The following SMOC1 variants were observed in gnomAD, a reference collection of about 807,000 sequenced individuals.
The protein encoded by SMOC1 is SPARC related modular calcium binding 1.
In SMOC1, 22 loss-of-function variants were observed where a neutral mutation model predicts 56.3. That is an observed-to-expected ratio of 0.39 (90% CI 0.28 to 0.56). The LOEUF (loss-of-function observed/expected upper bound fraction) is 0.56, where lower values mean the gene tolerates loss of function less well. Among genes scored for constraint, SMOC1 ranks in the 20% least tolerant of loss-of-function variants. The pLI, the probability that SMOC1 is intolerant of heterozygous loss-of-function variation, is 0.61. For missense variants in SMOC1, 509 were observed against 565.4 expected (o/e 0.90, Z 1.01); for synonymous variants, 193 against 215.0 (o/e 0.90, Z 0.89).
At chr14:70,007,704 C>T (rs1885195232) in intron 7 of SMOC1, among the ~76,000 whole-genome samples, 1 of 152,228 alleles carries the variant, frequency 6.6e-6, no homozygotes, top group Non-Finnish European at 1.5e-5. Context: ...TTGGGAAAAT[C>T]CATTAATCTC....
intron 6 of SMOC1, 23 bp downstream of exon 6, chr14:69,992,496 A>T: frequency 6.4e-7 from 1 of 1,556,762 alleles, no homozygotes; most frequent in Non-Finnish European, 8.9e-7. Context: ...ATTACTTCTG[A>T]TGTTCATTCT....
chr14:69,976,376 C>T (rs974158296), intron 4 of SMOC1, among the ~76,000 whole-genome samples: 3 of 152,148 alleles, frequency 2.0e-5, no homozygotes, highest in Non-Finnish European at 4.4e-5. Context: ...ACCCAGATAT[C>T]GAGGCTTCCT....
intron 1 of SMOC1, among the ~76,000 whole-genome samples, chr14:69,897,634 A>C (rs1884134012): frequency 6.6e-6 from 1 of 152,076 alleles, no homozygotes; most frequent in African/African-American, 2.4e-5. Context: ...AGCTAATCCA[A>C]GTCCTCTTTC....
intron 3 of SMOC1, among the ~76,000 whole-genome samples, chr14:69,963,753 G>C (rs1221032397): frequency 2.6e-5 from 4 of 152,234 alleles, no homozygotes; most frequent in Non-Finnish European, 5.9e-5. Flanking sequence ...AACAATCTCA[G>C]TTATGCAGTT....
chr14:69,996,471 G>A (rs998287535), intron 7 of SMOC1, among the ~76,000 whole-genome samples: 5 of 152,234 alleles, frequency 3.3e-5, no homozygotes, highest in Non-Finnish European at 5.9e-5. Flanking sequence ...TTCTTGGGCT[G>A]TATTCTCTGC....
chr14:70,007,502 G>C (rs1885188681), intron 7 of SMOC1, among the ~76,000 whole-genome samples: 1 of 152,226 alleles, frequency 6.6e-6, no homozygotes, highest in Admixed American at 6.5e-5. Flanking sequence ...GCTGTGCTGT[G>C]TCCAGCACAT....
rs772186123 is a variant in SMOC1, at chr14:70,023,480, A to G, written c.1291+33A>G. 3 of 1,613,648 alleles carry G rather than the reference A, an allele frequency of 1.9e-6. No homozygotes were observed. In the South Asian group the frequency reaches 3.3e-5, roughly 18 times the overall value. On this transcript the variant is annotated intron_variant, in intron 11 of 11. Transcript: ENST00000361956. ...CTCTCCCCTGTGCTCCTGGCCTTTC[A>G]ATACTTGCCCCCACCCAGGCATGGG...
intron 11 of SMOC1, among the ~76,000 whole-genome samples, chr14:70,029,523 G>A (rs1273253577): frequency 6.6e-6 from 1 of 152,170 alleles, no homozygotes; most frequent in African/African-American, 2.4e-5. Flanking sequence ...CACTCACAGA[G>A]CAAAAAGTAG....
At position 70,014,827 on chromosome 14, in the gene SMOC1, G is replaced by A. The variant is rs569349666; in HGVS notation, c.1046+1336G>A. ...CAGAGGCAGAGCTGTTATCCATAAG[G>A]CAAGGAATGCCACAAAGAGAACAAG... On this transcript the variant is annotated intron_variant, in intron 10 of 11. Coordinates refer to ENST00000361956, the MANE Select transcript of SMOC1 (RefSeq NM_001034852.3). Among the ~76,000 whole-genome samples, 60 of 152,342 alleles carry A rather than the reference G, an allele frequency of 3.9e-4. No homozygotes were observed. The Middle Eastern group carries it at 0.01, about 26-fold the overall frequency.
At chr14:69,922,410 A>C (rs1884871216) in intron 1 of SMOC1, among the ~76,000 whole-genome samples, 1 of 152,062 alleles carries the variant, frequency 6.6e-6, no homozygotes, top group African/African-American at 2.4e-5. Flanking sequence ...GAAGTGTTGG[A>C]GTGTGGCCCA....
At position 70,030,373 on chromosome 14, in the gene SMOC1, C is replaced by A; in HGVS notation, c.*115C>A. On this transcript the variant is annotated 3_prime_UTR_variant, in exon 12 of 12. Transcript: ENST00000361956. ...CACATCCCGTGTAACATAAGTGGTG[C>A]CCACCATGTTTGCACTTTTAATAAC... 1 of 1,352,232 alleles carries A rather than the reference C, an allele frequency of 7.4e-7. No homozygotes were observed. The highest frequency in any genetic ancestry group is 1.0e-6 in the Non-Finnish European group (1 of 967,552). The allele number at this position is 1,352,232 out of a possible 1,614,324, so 83.8% of individuals were successfully genotyped here. A position where few individuals can be genotyped will look rare whatever the true frequency, so the allele number is the denominator to read the frequency against.
At chr14:69,996,899 G>T (rs1350358007) in intron 7 of SMOC1, among the ~76,000 whole-genome samples, 1 of 152,160 alleles carries the variant, frequency 6.6e-6, no homozygotes, top group Non-Finnish European at 1.5e-5. Flanking sequence ...CTGTAACAGG[G>T]GTTGTCAAAT....
At chr14:69,971,216 C>G (rs1594830890) in intron 3 of SMOC1, among the ~76,000 whole-genome samples, 1 of 152,230 alleles carries the variant, frequency 6.6e-6, no homozygotes. Flanking sequence ...CGGGGTTTCA[C>G]CATGTTGGCC....
At chr14:69,907,272 GTTAAC>G (rs1386518944) in intron 1 of SMOC1, among the ~76,000 whole-genome samples, 2 of 152,254 alleles carry the variant, frequency 1.3e-5, no homozygotes, top group Admixed American at 6.5e-5. Flanking sequence ...GCAAAAATTA[GTTAAC>G]TTCACTGTCT....
chr14:69,968,791 C>T (rs7149760), intron 3 of SMOC1, among the ~76,000 whole-genome samples: 2 of 152,116 alleles, frequency 1.3e-5, no homozygotes, highest in Non-Finnish European at 2.9e-5. Flanking sequence ...TGACAGCAGT[C>T]CTTTCATTAC....
intron 1 of SMOC1, among the ~76,000 whole-genome samples, chr14:69,937,645 G>A (rs1885328946): frequency 6.6e-6 from 1 of 152,186 alleles, no homozygotes; most frequent in South Asian, 2.1e-4. Flanking sequence ...GGGATTTTCA[G>A]CTTGAGATGG....
chr14:70,029,321 C>T (rs958310848), intron 11 of SMOC1, among the ~76,000 whole-genome samples: 1 of 152,180 alleles, frequency 6.6e-6, no homozygotes, highest in Non-Finnish European at 1.5e-5. Context: ...TGCTGGATTC[C>T]TTCTACCTCT....
At chr14:69,923,239 C>T (rs750008964) in intron 1 of SMOC1, among the ~76,000 whole-genome samples, 9 of 152,088 alleles carry the variant, frequency 5.9e-5, no homozygotes, top group Non-Finnish European at 1.2e-4. Flanking sequence ...GCCACTGCAC[C>T]CGGCTCAGCC....
intron 1 of SMOC1, among the ~76,000 whole-genome samples, chr14:69,893,625 GTA>G: frequency 6.6e-6 from 1 of 152,092 alleles, no homozygotes; most frequent in Non-Finnish European, 1.5e-5. Context: ...GTGATCTTTG[GTA>G]TATTTATATC....
Sources: gnomAD v4.1 joint callset for allele counts (sites outside exome capture counted in the v4.1 genomes callset) on GRCh38, gnomAD v4.1.1 for gene constraint, MANE v1.5 for transcripts, NCBI Gene and HGNC (gene_info 2026-07-23, HGNC 2026-07-21) for gene names.